The following ABCC1 variants were observed in gnomAD, a reference collection of about 807,000 sequenced individuals.
ABCC1 encodes multidrug resistance-associated protein 1.
In ABCC1, 83 loss-of-function variants were observed where a neutral mutation model predicts 172.9. That is an observed-to-expected ratio of 0.48 (90% CI 0.40 to 0.58). The LOEUF (loss-of-function observed/expected upper bound fraction) is 0.58. Among genes scored for constraint, ABCC1 ranks in the 20% least tolerant of loss-of-function variants. The pLI is 0.00. For synonymous variants in ABCC1, 937 were observed against 825.2 expected (o/e 1.14, Z -2.32); for missense variants, 1,817 against 2,002.7 (o/e 0.91, Z 1.77).
intron 10 of ABCC1, among the ~76,000 whole-genome samples, chr16:16,052,207 C>A (rs1168097986): frequency 1.3e-5 from 2 of 150,860 alleles, no homozygotes; most frequent in Admixed American, 6.6e-5. Context: ...TTACAAAAAA[C>A]CAAAAAAATT....
intron 22 of ABCC1, among the ~76,000 whole-genome samples, chr16:16,113,070 G>T (rs968095773): frequency 6.6e-6 from 1 of 152,198 alleles, no homozygotes; most frequent in South Asian, 2.1e-4. Context: ...GTGCGCTCCT[G>T]TGGATTGTTT....
rs1360916145 is a variant in ABCC1, at chr16:16,048,126, C to A, written c.1219-16C>A. 2.5e-6 allele frequency: 4 copies of A among 1,613,880 alleles called. No individual in the cohort carries two copies. Among genetic ancestry groups the A allele is most frequent in the Non-Finnish European group, 3.4e-6 (4 of 1,179,884 alleles). ...GCTGCCACACTCACCCACCTTCCCT[C>A]TCCTTTGTCCCACAGGCCCTGGTGA... On this transcript the variant is annotated splice_polypyrimidine_tract_variant and intron_variant, in intron 9 of 30. Transcript: ENST00000399410.
intron 10 of ABCC1, among the ~76,000 whole-genome samples, chr16:16,052,236 G>A (rs922244161): frequency 1.3e-5 from 2 of 152,062 alleles, no homozygotes; most frequent in Non-Finnish European, 2.9e-5. Context: ...ATGGTGATGT[G>A]ACTAGTCACA....
intron 28 of ABCC1, among the ~76,000 whole-genome samples, 183 bp downstream of exon 28, chr16:16,134,691 C>T (rs1398455504): frequency 4.5e-5 from 6 of 134,742 alleles, no homozygotes; most frequent in South Asian, 2.3e-4. Context: ...GAGTGGAGTG[C>T]GCTGGCGCAA....
rs139158420 is a variant in ABCC1, at chr16:16,141,682, C to T, written c.*401C>T. The T allele has an allele frequency of 2.4e-3, 456 of 193,156 alleles. 4 individuals carry two copies. The highest frequency in any genetic ancestry group is 8.3e-3 in the African/African-American group (355 of 42,970). The allele number at this position is 193,156 out of a possible 1,614,324, so 12.0% of individuals were successfully genotyped here. On this transcript the variant is annotated 3_prime_UTR_variant, in exon 31 of 31. Transcript: ENST00000399410. ...AGCCTACTGCCTCGGATCTCTCCAG[C>T]CGAAGTCTGTGGACTGCAAGTCTTT...
intron 1 of ABCC1, among the ~76,000 whole-genome samples, chr16:15,990,768 G>T (rs936729750): frequency 1.3e-5 from 2 of 151,128 alleles, no homozygotes; most frequent in Non-Finnish European, 2.9e-5. Context: ...TCCTGCCTCA[G>T]CCTCCCGAGT....
At chr16:16,071,543 C>A in intron 13 of ABCC1, 99 bp from the exon 14 acceptor site, 1 of 849,224 alleles carries the variant, frequency 1.2e-6, no homozygotes, top group Non-Finnish European at 1.9e-6. Flanking sequence ...AGGGTGTGTG[C>A]CCCTCCACAC....
intron 23 of ABCC1, 124 bp from the exon 24 acceptor site, chr16:16,121,851 C>G (rs538627449): frequency 1.0e-6 from 1 of 975,882 alleles, no homozygotes; most frequent in African/African-American, 1.6e-5. Flanking sequence ...GAGGGCAGCC[C>G]GGCTCTAACA....
At chr16:16,054,592 G>A (rs1332202972) in intron 11 of ABCC1, among the ~76,000 whole-genome samples, 2 of 151,842 alleles carry the variant, frequency 1.3e-5, no homozygotes, top group African/African-American at 4.8e-5. Context: ...GAGGCCTCAC[G>A]TGGTAGGGTT....
At chr16:16,084,299 C>T (rs2050923467) in intron 17 of ABCC1, among the ~76,000 whole-genome samples, 1 of 151,982 alleles carries the variant, frequency 6.6e-6, no homozygotes, top group Non-Finnish European at 1.5e-5. Context: ...GGCAGGGTTT[C>T]ACCATGTTGG....
At chr16:15,980,617 C>T (rs2046600195) in intron 1 of ABCC1, among the ~76,000 whole-genome samples, 1 of 152,140 alleles carries the variant, frequency 6.6e-6, no homozygotes, top group Non-Finnish European at 1.5e-5. Context: ...ATTGAATTGT[C>T]TCTCACTGGG....
intron 12 of ABCC1, among the ~76,000 whole-genome samples, chr16:16,059,810 G>GCC (rs569708032): frequency 1.3e-5 from 2 of 149,036 alleles, no homozygotes; most frequent in African/African-American, 4.9e-5. Context: ...TCCTGCTGCT[G>GCC]CCCCCCCACC....
intron 9 of ABCC1, 30 bp from the exon 10 acceptor site, chr16:16,048,112 C>T: frequency 6.2e-7 from 1 of 1,612,644 alleles, no homozygotes; most frequent in Non-Finnish European, 8.5e-7. Context: ...CTGCCACACT[C>T]ACCCACCTTC....
At chr16:15,974,393 C>CA (rs2046437842) in intron 1 of ABCC1, among the ~76,000 whole-genome samples, 7 of 151,632 alleles carry the variant, frequency 4.6e-5, no homozygotes, top group Admixed American at 3.9e-4. Flanking sequence ...GCTCAGACCC[C>CA]CATTAAAGTT....
At chr16:16,066,162 A>G (rs2151944537) in intron 12 of ABCC1, among the ~76,000 whole-genome samples, 1 of 152,094 alleles carries the variant, frequency 6.6e-6, no homozygotes, top group East Asian at 1.9e-4. Flanking sequence ...ATGGAATCAA[A>G]CAACAGGTGG....
chr16:16,127,046 C>T (rs1279896246), intron 26 of ABCC1, among the ~76,000 whole-genome samples: 1 of 152,130 alleles, frequency 6.6e-6, no homozygotes, highest in African/African-American at 2.4e-5. Context: ...TAACTGCCTT[C>T]TTAGGCCCTG....
rs1205620424 is a variant in ABCC1 at position 16,031,244 on chromosome 16, T to C, written c.616-1865T>C. Among the ~76,000 whole-genome samples the C allele has an allele frequency of 2.0e-5, 3 of 152,200 alleles. No individual in the cohort carries two copies. The East Asian group carries it at 5.8e-4, about 29-fold the overall frequency. ...TATCGGGCTCTGTAAATGCCTTATATCTGCACAAGGCTGGAACTTTGAGTG... is the reference window on the plus strand; with the variant it reads ...TATCGGGCTCTGTAAATGCCTTATACCTGCACAAGGCTGGAACTTTGAGTG... On this transcript the variant is annotated intron_variant, in intron 5 of 30. Transcript: ENST00000399410.
intron 1 of ABCC1, among the ~76,000 whole-genome samples, chr16:15,982,016 A>C (rs2046631462): frequency 6.6e-6 from 1 of 152,182 alleles, no homozygotes; most frequent in South Asian, 2.1e-4. Context: ...TCCATTTCCC[A>C]AGAAGTTCCT....
At chr16:16,116,235 A>AGGT (rs1251197255) in intron 23 of ABCC1, among the ~76,000 whole-genome samples, 5 of 152,010 alleles carry the variant, frequency 3.3e-5, no homozygotes, top group African/African-American at 1.2e-4. Flanking sequence ...TCATGGTCCA[A>AGGT]GGTGGCTGCT....
Sources: gnomAD v4.1 joint callset for allele counts (sites outside exome capture counted in the v4.1 genomes callset) on GRCh38, gnomAD v4.1.1 for gene constraint, MANE v1.5 for transcripts, NCBI Gene and HGNC (gene_info 2026-07-23, HGNC 2026-07-21) for gene names.